Variants in ALOX5 observed in about 807,000 individuals in gnomAD.
ALOX5 encodes the protein polyunsaturated fatty acid 5-lipoxygenase.
ALOX5 carries 64 observed loss-of-function variants against 87.9 expected under a neutral mutation model. That is an observed-to-expected ratio of 0.73 (90% CI 0.60 to 0.90). ALOX5 has a LOEUF of 0.90. Ranked by LOEUF, ALOX5 falls within the 40% of genes least tolerant of loss-of-function variation. ALOX5 has a pLI of 0.00. For missense variants in ALOX5, 822 were observed against 907.5 expected, an observed-to-expected ratio of 0.91 and a Z score of 1.21; for synonymous variants, 388 against 355.1, an observed-to-expected ratio of 1.09 and a Z score of -1.04.
chr10:45,392,645 A>G (rs574554636), intron 2 of ALOX5, among the ~76,000 whole-genome samples: 1 of 151,740 alleles, frequency 6.6e-6, no homozygotes, highest in South Asian at 2.1e-4. Context: ...CCTTCCCTCC[A>G]CTATTGTCCT....
chr10:45,392,817 A>G (rs529303219), intron 2 of ALOX5, among the ~76,000 whole-genome samples: 4 of 152,394 alleles, frequency 2.6e-5, no homozygotes, highest in African/African-American at 4.8e-5. Flanking sequence ...AGAGAATACT[A>G]TAAACAACTC....
chr10:45,405,450 T>C (rs1176648993), intron 3 of ALOX5, among the ~76,000 whole-genome samples: 2 of 152,188 alleles, frequency 1.3e-5, no homozygotes, highest in Non-Finnish European at 2.9e-5. Flanking sequence ...AAGCTTTTTT[T>C]CCCTATTGTT....
intron 3 of ALOX5, among the ~76,000 whole-genome samples, chr10:45,400,313 A>G (rs1344761801): frequency 1.3e-5 from 2 of 152,214 alleles, no homozygotes; most frequent in Non-Finnish European, 2.9e-5. Context: ...TCAAAAAGGA[A>G]TGAATGCCAA....
At chr10:45,382,123 G>T (rs2132676065) in intron 1 of ALOX5, among the ~76,000 whole-genome samples, 1 of 152,334 alleles carries the variant, frequency 6.6e-6, no homozygotes, top group Admixed American at 6.5e-5. Context: ...ATGTGATAAG[G>T]CCAAGGGGCT....
At chr10:45,444,724 G>A (rs1842379971) in intron 13 of ALOX5, 1 of 167,706 alleles carries the variant, frequency 6.0e-6, no homozygotes, top group South Asian at 1.9e-4. Flanking sequence ...TGCATAGAAT[G>A]GCCGGACCAG....
chr10:45,433,906 G>A (rs747220652), intron 7 of ALOX5, among the ~76,000 whole-genome samples: 1 of 152,204 alleles, frequency 6.6e-6, no homozygotes, highest in Non-Finnish European at 1.5e-5. Context: ...GGTTTGGTGG[G>A]GGTCTGGGTT....
intron 7 of ALOX5, among the ~76,000 whole-genome samples, chr10:45,435,985 C>T (rs1485034324): frequency 6.6e-6 from 1 of 151,992 alleles, no homozygotes; most frequent in East Asian, 1.9e-4. Flanking sequence ...GACTGGTATC[C>T]CTTTGTGGTT....
chr10:45,444,306 G>T lies in ALOX5; in HGVS notation c.1845+20G>T. 1 of 1,542,792 alleles carries T rather than the reference G, an allele frequency of 6.5e-7. No individual in the cohort carries two copies. ...AACGAGGTGAAGCTGGGCAGGGCGG[G>T]GCACAGCCCCAGGTCACCCCAGGTT... On this transcript the variant is annotated intron_variant, in intron 13 of 13. Coordinates refer to ENST00000374391, the MANE Select transcript of ALOX5 (RefSeq NM_000698.5).
intron 6 of ALOX5, 116 bp from the exon 7 acceptor site, chr10:45,428,502 T>C: frequency 7.6e-7 from 1 of 1,320,432 alleles, no homozygotes; most frequent in Non-Finnish European, 1.1e-6. Context: ...CATTCTGAGC[T>C]CCGCTGAGTC....
chr10:45,428,961 C>T (rs1436324393), intron 7 of ALOX5, among the ~76,000 whole-genome samples, 197 bp downstream of exon 7: 1 of 152,038 alleles, frequency 6.6e-6, no homozygotes, highest in African/African-American at 2.4e-5. Flanking sequence ...AGCCCCTGGC[C>T]AGTCGAGGCA....
intron 4 of ALOX5, among the ~76,000 whole-genome samples, chr10:45,413,880 A>C (rs1183946110): frequency 1.3e-5 from 2 of 152,192 alleles, no homozygotes; most frequent in African/African-American, 2.4e-5. Context: ...TCCAACTTAC[A>C]AGGGATGTGA....
At chr10:45,419,843 G>C (rs1841440439) in intron 4 of ALOX5, among the ~76,000 whole-genome samples, 1 of 152,236 alleles carries the variant, frequency 6.6e-6, no homozygotes, top group African/African-American at 2.4e-5. Flanking sequence ...GGACGGGCAG[G>C]GTGCCTGTGG....
intron 6 of ALOX5, 90 bp from the exon 7 acceptor site, chr10:45,428,528 G>A (rs1010194356): frequency 1.3e-6 from 2 of 1,501,630 alleles, no homozygotes; most frequent in Non-Finnish European, 1.8e-6. Flanking sequence ...AAAGGGAGAG[G>A]GGTGCCCAGA....
At chr10:45,392,726 GAA>G (rs1267021132) in intron 2 of ALOX5, among the ~76,000 whole-genome samples, 7 of 142,008 alleles carry the variant, frequency 4.9e-5, no homozygotes, top group Admixed American at 3.4e-4. Flanking sequence ...AAAAAAAAAA[GAA>G]GAGAAGAATC....
intron 2 of ALOX5, among the ~76,000 whole-genome samples, chr10:45,391,158 T>C (rs1313565031): frequency 6.7e-6 from 1 of 149,390 alleles, no homozygotes; most frequent in African/African-American, 2.5e-5. Flanking sequence ...AGCTGGACTG[T>C]ACTGCTGCCA....
At position 45,428,692 on chromosome 10, in the gene ALOX5, C is replaced by G. The variant is rs199926259; in HGVS notation, c.909C>G (p.Leu303=). Reference sequence around the variant, plus strand: ...CCAACAAAACAGACCCCTGCACACTCCAGTTCCTGGCCGCTCCCATCTGCT... The same window carrying G: ...CCAACAAAACAGACCCCTGCACACTGCAGTTCCTGGCCGCTCCCATCTGCT... The part of the protein sequence containing the change: ...IDANKTDPCT[L]QFLAAPICLL... The change falls in exon 7 of 14, where the codon CTC becomes CTG. Residue 303 remains leucine (L), a synonymous_variant. Coordinates refer to ENST00000374391, the MANE Select transcript of ALOX5 (RefSeq NM_000698.5). The G allele has an allele frequency of 6.2e-7, 1 of 1,614,122 alleles. No homozygotes were observed. The highest frequency in any genetic ancestry group is 2.2e-5 in the East Asian group (1 of 44,868).
chr10:45,380,068 G>A (rs912681199), intron 1 of ALOX5, among the ~76,000 whole-genome samples: 5 of 152,196 alleles, frequency 3.3e-5, no homozygotes, highest in Non-Finnish European at 7.3e-5. Context: ...AGATGGGCCC[G>A]AGCCCCTGAG....
At chr10:45,412,994 C>A (rs984603222) in intron 4 of ALOX5, among the ~76,000 whole-genome samples, 4 of 152,094 alleles carry the variant, frequency 2.6e-5, no homozygotes, top group Non-Finnish European at 5.9e-5. Flanking sequence ...ATCTTTAAAT[C>A]TGCACATTGA....
At chr10:45,423,681 C>A (rs1423094538) in intron 4 of ALOX5, among the ~76,000 whole-genome samples, 1 of 152,198 alleles carries the variant, frequency 6.6e-6, no homozygotes, top group African/African-American at 2.4e-5. Flanking sequence ...AAAAGCCAGG[C>A]AACACGGTAG....
Sources: gnomAD v4.1 joint callset for allele counts (sites outside exome capture counted in the v4.1 genomes callset) on GRCh38, gnomAD v4.1.1 for gene constraint, MANE v1.5 for transcripts, NCBI Gene and HGNC (gene_info 2026-07-23, HGNC 2026-07-21) for gene names.